The following TSPEAR variants were observed in gnomAD, a reference collection of about 807,000 sequenced individuals.
The protein encoded by TSPEAR is thrombospondin-type laminin G domain and EAR repeat-containing protein.
Under a neutral mutation model 71.6 loss-of-function variants are expected in TSPEAR, and 69 were observed. That is an observed-to-expected ratio of 0.96 (90% CI 0.79 to 1.18). The LOEUF (loss-of-function observed/expected upper bound fraction) is 1.18, where lower values mean the gene tolerates loss of function less well. TSPEAR is among the 50% of genes most tolerant of loss of function. The probability of loss-of-function intolerance (pLI) is 0.00; values close to 1 mark genes in which losing one functional copy is unlikely to be tolerated. For missense variants in TSPEAR, 971 were observed against 894.9 expected (o/e 1.09, Z -1.09); for synonymous variants, 402 against 387.2 (o/e 1.04, Z -0.45).
Position 44,531,126 on chromosome 21 carries a change from C to T in TSPEAR, c.550G>A (p.Asp184Asn), listed in dbSNP as rs782130480. Residue 184 changes from aspartate to asparagine, a missense_variant, in exon 4 of 12, where the codon GAT becomes AAT. Transcript: ENST00000323084. ...DCGLPVDIMADVPFPATLSVK... is the reference protein window; with the variant it reads ...DCGLPVDIMANVPFPATLSVK... ...GACAGGGTGGCTGGGAAGGGCACAT[C>T]GGCCATTCTGAAAATATCAAAGGAC... The T allele has an allele frequency of 5.6e-5, 90 of 1,613,510 alleles. No individual in the cohort carries two copies. The highest frequency in any genetic ancestry group is 7.1e-5 in the Non-Finnish European group (84 of 1,179,866).
At chr21:44,671,178 G>A (rs1381320028) in intron 1 of TSPEAR, among the ~76,000 whole-genome samples, 1 of 152,230 alleles carries the variant, frequency 6.6e-6, no homozygotes, top group East Asian at 1.9e-4. Context: ...TCACTTGCAT[G>A]TGCCACCTGG....
In TSPEAR at chr21:44,711,148, G is replaced by A. The variant is rs1348086083; in HGVS notation, c.82+285C>T. ...GGAGGCCCAGCAGGTAAGCACTTGT[G>A]GAGGCCCCGGTGGCTGCTGGTTAGC... On this transcript the variant is annotated intron_variant, in intron 1 of 11. Coordinates refer to ENST00000323084, the MANE Select transcript of TSPEAR (RefSeq NM_144991.3). The surrounding 1 kb of genome is among the most constrained non-coding windows in gnomAD (Gnocchi z 4.5). 6.6e-6 allele frequency among the ~76,000 whole-genome samples: 1 copy of A among 152,186 alleles called. No homozygotes were observed. Among genetic ancestry groups the A allele is most frequent in the East Asian group, 1.9e-4 (1 of 5,194 alleles).
At chr21:44,567,698 C>T in intron 2 of TSPEAR, 87 bp downstream of exon 2, 1 of 1,173,776 alleles carries the variant, frequency 8.5e-7, no homozygotes, top group Middle Eastern at 2.1e-4. Context: ...CAAATGCCGC[C>T]CCTCAACCTG....
intron 2 of TSPEAR, among the ~76,000 whole-genome samples, chr21:44,554,641 G>A (rs1357687395): frequency 6.6e-6 from 1 of 152,240 alleles, no homozygotes; most frequent in Admixed American, 6.5e-5. Flanking sequence ...CTGCATGCTA[G>A]TGTGAGAGGC....
chr21:44,591,301 G>A (rs1979804110), intron 1 of TSPEAR: 12 of 1,503,892 alleles, frequency 8.0e-6, no homozygotes, highest in African/African-American at 5.6e-5. Context: ...TTCTGAGGGT[G>A]TCAAAGCCAG....
chr21:44,605,436 T>C (rs1198351865), intron 1 of TSPEAR, among the ~76,000 whole-genome samples: 1 of 152,158 alleles, frequency 6.6e-6, no homozygotes, highest in Non-Finnish European at 1.5e-5. Context: ...TTTTTACAAA[T>C]ACATAGAAAA....
At chr21:44,503,964 T>C in intron 11 of TSPEAR, among the ~76,000 whole-genome samples, 1 of 119,806 alleles carries the variant, frequency 8.3e-6, no homozygotes, top group Non-Finnish European at 1.7e-5. Flanking sequence ...GAGGCCGGAG[T>C]TGGTGAGCCC....
chr21:44,645,358 CT>C (rs34384761), intron 1 of TSPEAR, among the ~76,000 whole-genome samples: 88,337 of 130,672 alleles, frequency 0.68, 28,739 homozygotes, highest in Middle Eastern at 0.72. Flanking sequence ...GGCCACTTAG[CT>C]TTTTTTTTTT....
intron 1 of TSPEAR, chr21:44,702,274 T>C (rs1555951644): frequency 1.2e-6 from 2 of 1,607,938 alleles, no homozygotes; most frequent in East Asian, 2.2e-5. Context: ...GGAGAGCTGC[T>C]GCGAGCCCCC....
At chr21:44,702,141 G>C (rs1601582680) in intron 1 of TSPEAR, 3 of 1,254,730 alleles carry the variant, frequency 2.4e-6, no homozygotes, top group Non-Finnish European at 3.3e-6. Context: ...TGAGCACAGG[G>C]GTGGAGACTG....
Position 44,698,079 on chromosome 21 carries a change from G to A in TSPEAR, c.82+13354C>T, listed in dbSNP as rs1987471152. On this transcript the variant is annotated intron_variant, in intron 1 of 11. Coordinates refer to ENST00000323084, the MANE Select transcript of TSPEAR (RefSeq NM_144991.3). ...TCTCTTCCTTGGAGATGCGTGCACA[G>A]CCTCTCTTCCCCTAAGCCCTGGGGG... 2.4e-5 allele frequency: 26 copies of A among 1,077,908 alleles called. No homozygotes were observed. In the South Asian group the frequency reaches 3.8e-4, roughly 16 times the overall value. The allele number at this position is 1,077,908 out of a possible 1,614,324, so 66.8% of individuals were successfully genotyped here. A position where few individuals can be genotyped will look rare whatever the true frequency, so the allele number is the denominator to read the frequency against.
At position 44,539,003 on chromosome 21, in the gene TSPEAR, T is replaced by C. The variant is rs587658960; in HGVS notation, c.304-5080A>G. 2.5e-5 allele frequency: 14 copies of C among 552,428 alleles called. No homozygotes were observed. In the East Asian group the frequency reaches 3.3e-4, roughly 13 times the overall value. The allele number at this position is 552,428 out of a possible 1,614,324, so 34.2% of individuals were successfully genotyped here. ...GAATCAGGTGACCAAGGAGAGTTTATTGGGGAGCAGGAGGAGGTGCTGAGA... is the reference window on the plus strand; with the variant it reads ...GAATCAGGTGACCAAGGAGAGTTTACTGGGGAGCAGGAGGAGGTGCTGAGA... On this transcript the variant is annotated intron_variant, in intron 2 of 11. Transcript: ENST00000323084.
rs587691034 is a variant in TSPEAR at position 44,616,998 on chromosome 21, G to T, written c.83-48993C>A. ...AAAGCAACCAGGAAAGGAGGGTGCA[G>T]TGGGGAACCCTGCTAGAAAACACAC... On this transcript the variant is annotated intron_variant, in intron 1 of 11. Transcript: ENST00000323084. Among the ~76,000 whole-genome samples, 6 of 152,320 alleles carry T rather than the reference G, an allele frequency of 3.9e-5. No homozygotes were observed. The South Asian group carries it at 6.2e-4, about 16-fold the overall frequency.
At chr21:44,512,015 G>A (rs587758293) in intron 9 of TSPEAR, among the ~76,000 whole-genome samples, 3 of 152,378 alleles carry the variant, frequency 2.0e-5, no homozygotes, top group African/African-American at 7.2e-5. Flanking sequence ...GGGGCACAGA[G>A]GAAGAGGGCC....
At chr21:44,647,850 G>A (rs1172638351) in intron 1 of TSPEAR, among the ~76,000 whole-genome samples, 1 of 152,246 alleles carries the variant, frequency 6.6e-6, no homozygotes, top group Non-Finnish European at 1.5e-5. Context: ...CTGCCCACAG[G>A]GGATGAGCCT....
At chr21:44,646,593 G>T (rs1555939853) in intron 1 of TSPEAR, 1 of 1,612,474 alleles carries the variant, frequency 6.2e-7, no homozygotes, top group Non-Finnish European at 8.5e-7. Flanking sequence ...CCCTGAGCCT[G>T]GTCTGCACCC....
chr21:44,631,584 G>A (rs1256394300), intron 1 of TSPEAR, among the ~76,000 whole-genome samples: 1 of 152,050 alleles, frequency 6.6e-6, no homozygotes, highest in Non-Finnish European at 1.5e-5. Context: ...TAAATAGCTG[G>A]GCGTGGTGGC....
rs782784062 is a variant in TSPEAR at position 44,612,310 on chromosome 21, C to T, written c.83-44305G>A. On this transcript the variant is annotated intron_variant, in intron 1 of 11. Coordinates refer to ENST00000323084, the MANE Select transcript of TSPEAR (RefSeq NM_144991.3). This position sits in a 1 kb window ranked among gnomAD's most constrained non-coding sequence, Gnocchi z 4.1. ...CCCCTAGCTGCTGTGCCCCAGCCCC[C>T]TGCCTGGCCCTGGTCTGTGCCCCAG... The T allele has an allele frequency of 6.2e-7, 1 of 1,613,656 alleles. No homozygotes were observed. The highest frequency in any genetic ancestry group is 1.1e-5 in the South Asian group (1 of 91,076).
At chr21:44,557,858 C>T (rs782023520) in intron 2 of TSPEAR, 62 of 685,600 alleles carry the variant, frequency 9.0e-5, no homozygotes, top group Middle Eastern at 8.0e-4. Flanking sequence ...CAGTGACCAC[C>T]GGCTGGCCAG....
Sources: allele counts gnomAD v4.1 joint callset (sites outside exome capture counted in the v4.1 genomes callset), GRCh38; gene constraint gnomAD v4.1.1; non-coding constraint Gnocchi (gnomAD v3.1); transcripts MANE v1.5; gene names NCBI Gene and HGNC (gene_info 2026-07-23, HGNC 2026-07-21).